The following TLE4 variants were observed in gnomAD, a reference collection of about 807,000 sequenced individuals.
TLE4 encodes transducin-like enhancer protein 4.
In TLE4, 8 loss-of-function variants were observed where a neutral mutation model predicts 92.8. The observed-to-expected ratio is 0.09, with a 90% CI of 0.05 to 0.16. The LOEUF is 0.16. Ranked by LOEUF, TLE4 falls within the 10% of genes least tolerant of loss-of-function variation. The probability of loss-of-function intolerance (pLI) is 1.00; values close to 1 mark genes in which losing one functional copy is unlikely to be tolerated. For missense variants in TLE4, 675 were observed against 997.6 expected (o/e 0.68, Z 4.36); for synonymous variants, 371 against 374.1 (o/e 0.99, Z 0.10).
intron 6 of TLE4, among the ~76,000 whole-genome samples, chr9:79,628,540 T>C (rs565023257): frequency 2.0e-5 from 3 of 152,032 alleles, no homozygotes; most frequent in East Asian, 3.9e-4. Flanking sequence ...AGCTTGTTTT[T>C]TAATGGGGTA....
rs570079059 is a variant in TLE4 at position 79,720,144 on chromosome 9, G to A, written c.1689G>A (p.Ala563=). ...GTACTTTGTCCATTTGGGACCTGGC[G>A]GCTCCAACCCCACGCATCAAGGCAG... The part of the protein sequence containing the change: ...EASTLSIWDL[A]APTPRIKAEL... The change falls in exon 16 of 20, where the codon GCG becomes GCA. Residue 563 remains alanine (A), a synonymous_variant. Transcript: ENST00000376552. The A allele has an allele frequency of 1.3e-4, 205 of 1,614,084 alleles. No individual in the cohort carries two copies. Among genetic ancestry groups the A allele is most frequent in the Non-Finnish European group, 1.7e-4 (199 of 1,180,020 alleles).
intron 1 of TLE4, chr9:79,573,158 G>A: frequency 1.2e-6 from 1 of 841,702 alleles, no homozygotes; most frequent in Non-Finnish European, 1.5e-6. Context: ...GCGCGACTCC[G>A]CGCCCGGGCG....
rs1437929834 is a variant in TLE4, at chr9:79,705,935, C to T, written c.776C>T (p.Ser259Phe). 6.8e-6 allele frequency: 11 copies of T among 1,614,136 alleles called. No homozygotes were observed. The highest frequency in any genetic ancestry group is 9.3e-6 in the Non-Finnish European group (11 of 1,180,012). ...GATGACAACTTGGTGGTTGACGTTT[C>T]CAATGAGGTATGTTTGTGGCTACTT... Reference protein sequence around the residue: ...KSDDNLVVDVSNEDPSSPRGS... With the variant: ...KSDDNLVVDVFNEDPSSPRGS... Residue 259 changes from serine (S) to phenylalanine (F), a missense_variant, in exon 10 of 20, where the codon TCC becomes TTC. This residue lies in a region of TLE4 where 280 missense variants were observed against 287.3 expected (regional missense o/e 0.97). Coordinates refer to ENST00000376552, the MANE Select transcript of TLE4 (RefSeq NM_007005.6).
intron 4 of TLE4, among the ~76,000 whole-genome samples, chr9:79,598,913 T>C (rs2044811817): frequency 6.6e-6 from 1 of 152,200 alleles, no homozygotes; most frequent in Non-Finnish European, 1.5e-5. Context: ...CCAGAGCTTC[T>C]AGTTTAGAGT....
chr9:79,694,891 C>T (rs1395764446), intron 8 of TLE4, among the ~76,000 whole-genome samples: 1 of 152,004 alleles, frequency 6.6e-6, no homozygotes, highest in Non-Finnish European at 1.5e-5. Flanking sequence ...AAATGAGCAG[C>T]ACAGAAAAAC....
Position 79,625,005 on chromosome 9 carries a change from A to ATTTCT in TLE4, c.316-2360_316-2356dup, listed in dbSNP as rs1554720555. Among the ~76,000 whole-genome samples, 5 of 111,322 alleles carry ATTTCT rather than the reference A, an allele frequency of 4.5e-5. No individual in the cohort carries two copies. The East Asian group carries it at 8.1e-4, about 18-fold the overall frequency. The allele number at this position is 111,322 out of a possible 152,430, so 73.0% of individuals were successfully genotyped here. On this transcript the variant is annotated intron_variant, in intron 5 of 19. Coordinates refer to ENST00000376552, the MANE Select transcript of TLE4 (RefSeq NM_007005.6). ...GAAGTTTTAAGTTTCTTTTAAATCT[A>ATTTCT]TTTCTTTTCTTTTTTTTTTTTTTTT...
intron 4 of TLE4, chr9:79,601,341 T>A (rs959196408): frequency 1.8e-5 from 8 of 455,728 alleles, no homozygotes; most frequent in Non-Finnish European, 3.5e-5. Context: ...TATTCCTTTA[T>A]GGTTGATATA....
At chr9:79,575,597 T>C (rs1043299437) in intron 3 of TLE4, among the ~76,000 whole-genome samples, 15 of 152,344 alleles carry the variant, frequency 9.8e-5, no homozygotes, top group African/African-American at 3.6e-4. Flanking sequence ...AGAAGTATTA[T>C]GAAGCATATT....
In TLE4 at chr9:79,721,697, A is replaced by T; in HGVS notation, c.1839-44A>T. The T allele has an allele frequency of 1.9e-6, 3 of 1,612,694 alleles. No individual in the cohort carries two copies. In the South Asian group the frequency reaches 3.3e-5, roughly 18 times the overall value. ...GGAATTCTAAATTGATTTTAACTAA[A>T]AGCTAACTTTTCAAGGGCTTTCCCT... is the stretch of plus-strand genomic sequence containing the variant. On this transcript the variant is annotated intron_variant, in intron 16 of 19. Transcript: ENST00000376552.
chr9:79,678,994 G>A (rs1450424619), intron 8 of TLE4, among the ~76,000 whole-genome samples: 2 of 152,004 alleles, frequency 1.3e-5, no homozygotes, highest in African/African-American at 2.4e-5. Flanking sequence ...ATGTATATGT[G>A]CCACATTTTC....
intron 8 of TLE4, among the ~76,000 whole-genome samples, chr9:79,700,685 A>C (rs1427745183): frequency 6.6e-6 from 1 of 150,638 alleles, no homozygotes; most frequent in African/African-American, 2.5e-5. Context: ...CTTTTTCTTA[A>C]ACAGATCTAC....
chr9:79,707,353 C>A (rs1022589569), intron 11 of TLE4: 1 of 724,318 alleles, frequency 1.4e-6, no homozygotes, highest in Non-Finnish European at 2.3e-6. Context: ...TCTTGACTTA[C>A]ATCACAAATC....
intron 4 of TLE4, among the ~76,000 whole-genome samples, chr9:79,596,477 CTTCCAATCAG>C (rs1201350082): frequency 6.6e-6 from 1 of 152,084 alleles, no homozygotes; most frequent in East Asian, 1.9e-4. Flanking sequence ...GAGCTCACTC[CTTCCAATCAG>C]TGAGGAGGCA....
intron 8 of TLE4, among the ~76,000 whole-genome samples, chr9:79,664,594 C>T (rs1460327991): frequency 2.0e-5 from 3 of 152,174 alleles, no homozygotes; most frequent in Non-Finnish European, 2.9e-5. Flanking sequence ...ACATTTTTGC[C>T]TTTGGGAGAA....
rs867207783 is a variant in TLE4 at position 79,592,204 on chromosome 9, T to C, written c.252+16027T>C. On this transcript the variant is annotated intron_variant, in intron 4 of 19. Transcript: ENST00000376552. ...CTTCCTCTTCTTCTTCTTCTTCTTC[T>C]TCTTCTTCTTCCTCTTCTTCTTCTT... 2.2e-3 allele frequency among the ~76,000 whole-genome samples: 304 copies of C among 138,152 alleles called. 5 individuals are homozygous for C. The highest frequency in any genetic ancestry group is 7.7e-3 in the African/African-American group (259 of 33,440). 90.6% of individuals were successfully genotyped at this position (138,152 alleles called of 152,430 possible). A position where few individuals can be genotyped will look rare whatever the true frequency, so the allele number is the denominator to read the frequency against.
At chr9:79,700,808 C>T (rs1351609439) in intron 8 of TLE4, among the ~76,000 whole-genome samples, 12 of 151,944 alleles carry the variant, frequency 7.9e-5, no homozygotes, top group Non-Finnish European at 1.6e-4. Context: ...TGCTTGTGAC[C>T]GTGACTCTCC....
At chr9:79,643,380 A>G (rs2057532649) in intron 6 of TLE4, among the ~76,000 whole-genome samples, 1 of 152,188 alleles carries the variant, frequency 6.6e-6, no homozygotes, top group Non-Finnish European at 1.5e-5. Flanking sequence ...CCATTAACAC[A>G]TTCCTATACC....
At chr9:79,602,702 G>A (rs2045926728) in intron 4 of TLE4, among the ~76,000 whole-genome samples, 1 of 152,146 alleles carries the variant, frequency 6.6e-6, no homozygotes, top group South Asian at 2.1e-4. Context: ...AGGAGATAAT[G>A]TTTTCATGCC....
chr9:79,585,975 G>T (rs1309229162), intron 4 of TLE4, among the ~76,000 whole-genome samples: 1 of 152,142 alleles, frequency 6.6e-6, no homozygotes, highest in Non-Finnish European at 1.5e-5. Context: ...TGACACAGAA[G>T]TAGAGCAATT....
Sources: gnomAD v4.1 joint callset for allele counts (sites outside exome capture counted in the v4.1 genomes callset) on GRCh38, gnomAD v4.1.1 for gene constraint, gnomAD v4.1.1 regional missense constraint, MANE v1.5 for transcripts, NCBI Gene and HGNC (gene_info 2026-07-23, HGNC 2026-07-21) for gene names.